TRAPPC9: variants seen among roughly 807,000 people sequenced by gnomAD.
TRAPPC9 encodes IKK2 binding protein.
Under a neutral mutation model 124.0 loss-of-function variants are expected in TRAPPC9, and 83 were observed. The observed-to-expected ratio is 0.67, with a 90% CI of 0.56 to 0.80. The LOEUF (loss-of-function observed/expected upper bound fraction) is 0.80, where lower values mean the gene tolerates loss of function less well. Ranked by LOEUF, TRAPPC9 falls within the 30% of genes least tolerant of loss-of-function variation. The pLI is 0.00. For missense variants in TRAPPC9, 1,302 were observed against 1,508.3 expected (o/e 0.86, Z 2.27); for synonymous variants, 638 against 617.5 (o/e 1.03, Z -0.49).
chr8:140,173,125 C>T (rs75131539), intron 17 of TRAPPC9, among the ~76,000 whole-genome samples: 2,002 of 152,180 alleles, frequency 0.013, 53 homozygotes, highest in African/African-American at 0.044. Context: ...TTTATACTGA[C>T]GTATGCACAA....
At chr8:139,796,838 G>T (rs1823133935) in intron 21 of TRAPPC9, among the ~76,000 whole-genome samples, 1 of 152,226 alleles carries the variant, frequency 6.6e-6, no homozygotes, top group African/African-American at 2.4e-5. Context: ...GTCTTCCAAA[G>T]TGGCTGCACT....
intron 17 of TRAPPC9, among the ~76,000 whole-genome samples, chr8:140,161,570 T>C (rs2061751995): frequency 6.6e-6 from 1 of 152,134 alleles, no homozygotes; most frequent in South Asian, 2.1e-4. Context: ...TAATCTGGTG[T>C]CTGAAACAAA....
At chr8:140,143,066 G>T (rs541881980) in intron 17 of TRAPPC9, among the ~76,000 whole-genome samples, 4 of 152,352 alleles carry the variant, frequency 2.6e-5, no homozygotes, top group African/African-American at 9.6e-5. Flanking sequence ...AGTGGCTGGA[G>T]CTCCACAGTG....
Position 140,311,263 on chromosome 8 carries a change from T to G in TRAPPC9, c.1607A>C (p.Lys536Thr), listed in dbSNP as rs1281003763. The G allele has an allele frequency of 6.2e-7, 1 of 1,612,190 alleles. No homozygotes were observed. Among genetic ancestry groups the G allele is most frequent in the East Asian group, 2.2e-5 (1 of 44,878 alleles). ...CCCATCTCACCTGACGATGGGAAGC[T>G]TGGTGAAGGGCACCGGTGGCAGGGT... ...GLTLPPVPFT[K>T]LPIVRHVKLL... Residue 536 changes from lysine to threonine, a missense_variant, in exon 10 of 23, where the codon AAG becomes ACG. Transcript: ENST00000438773.
chr8:140,019,448 G>A (rs1223701805), intron 18 of TRAPPC9, among the ~76,000 whole-genome samples: 1 of 150,272 alleles, frequency 6.7e-6, no homozygotes, highest in African/African-American at 2.4e-5. Context: ...TGCTTTGTGA[G>A]AAGATTTTAA....
intron 18 of TRAPPC9, among the ~76,000 whole-genome samples, chr8:140,018,660 T>A (rs28834199): frequency 0.44 from 66,922 of 151,952 alleles, 16,127 homozygotes; most frequent in Middle Eastern, 0.63. Context: ...AGTGGCATCC[T>A]GCAATCTTGC....
intron 5 of TRAPPC9, among the ~76,000 whole-genome samples, chr8:140,410,618 C>T (rs1032480475): frequency 2.0e-4 from 30 of 152,202 alleles, no homozygotes; most frequent in Admixed American, 1.6e-3. Flanking sequence ...CCGAGGCGGG[C>T]GGACCACAAG....
intron 21 of TRAPPC9, among the ~76,000 whole-genome samples, chr8:139,877,201 A>G (rs559699172): frequency 1.4e-4 from 21 of 152,276 alleles, no homozygotes; most frequent in African/African-American, 5.1e-4. Context: ...AAAGAGCTAT[A>G]AAGAGGAAAG....
chr8:139,975,975 C>T (rs1042633090), intron 19 of TRAPPC9, among the ~76,000 whole-genome samples: 4 of 112,700 alleles, frequency 3.5e-5, no homozygotes, highest in Non-Finnish European at 6.9e-5. Context: ...CTGCAGGCTT[C>T]ACCCCCCCGG....
At chr8:140,072,549 A>G (rs867152783) in intron 17 of TRAPPC9, among the ~76,000 whole-genome samples, 8 of 115,658 alleles carry the variant, frequency 6.9e-5, no homozygotes, top group Non-Finnish European at 9.2e-5. Flanking sequence ...AGGAGGAGGA[A>G]GAGGAGGAGG....
At chr8:140,009,121 A>AT (rs1040181409) in intron 18 of TRAPPC9, among the ~76,000 whole-genome samples, 9 of 152,182 alleles carry the variant, frequency 5.9e-5, no homozygotes, top group Non-Finnish European at 1.3e-4. Flanking sequence ...GAATTGGACC[A>AT]TTTTTGCCCT....
intron 18 of TRAPPC9, among the ~76,000 whole-genome samples, chr8:140,023,630 G>C (rs1453572981): frequency 6.6e-6 from 1 of 152,238 alleles, no homozygotes; most frequent in Non-Finnish European, 1.5e-5. Context: ...AATGCAGCCA[G>C]GCCAGGCTGG....
intron 21 of TRAPPC9, among the ~76,000 whole-genome samples, chr8:139,838,657 A>G (rs1391846256): frequency 3.3e-5 from 5 of 149,960 alleles, no homozygotes; most frequent in Non-Finnish European, 7.4e-5. Context: ...TGCTGCTGTG[A>G]TGACGGGTGG....
chr8:140,260,653 A>C (rs1374096557), intron 15 of TRAPPC9, among the ~76,000 whole-genome samples: 1 of 152,164 alleles, frequency 6.6e-6, no homozygotes, highest in South Asian at 2.1e-4. Context: ...ACAATAACTG[A>C]AACAACCATC....
intron 17 of TRAPPC9, among the ~76,000 whole-genome samples, chr8:140,047,257 T>A (rs998775355): frequency 5.3e-5 from 8 of 152,338 alleles, no homozygotes; most frequent in African/African-American, 1.9e-4. Flanking sequence ...CACATGCTCC[T>A]CGGCGGAGGC....
intron 12 of TRAPPC9, among the ~76,000 whole-genome samples, chr8:140,287,935 C>T (rs573863720): frequency 5.9e-5 from 9 of 152,158 alleles, no homozygotes; most frequent in Non-Finnish European, 1.2e-4. Context: ...GGTGCTCAGG[C>T]GATAAACCAC....
chr8:139,781,058 G>A (rs1296785008), intron 21 of TRAPPC9, among the ~76,000 whole-genome samples: 1 of 152,190 alleles, frequency 6.6e-6, no homozygotes, highest in Non-Finnish European at 1.5e-5. Context: ...AGTCATTGCT[G>A]ATGGGAAAGC....
At chr8:140,102,112 T>C (rs2060591054) in intron 17 of TRAPPC9, among the ~76,000 whole-genome samples, 1 of 152,230 alleles carries the variant, frequency 6.6e-6, no homozygotes, top group South Asian at 2.1e-4. Context: ...GAGTCCAAAC[T>C]GTAACAGAAT....
chr8:140,150,276 T>G (rs1322869294), intron 17 of TRAPPC9, among the ~76,000 whole-genome samples: 2 of 152,116 alleles, frequency 1.3e-5, no homozygotes, highest in Non-Finnish European at 2.9e-5. Context: ...GGCAAAACCC[T>G]GTCTCTACTA....
Sources: allele counts gnomAD v4.1 joint callset (sites outside exome capture counted in the v4.1 genomes callset), GRCh38; gene constraint gnomAD v4.1.1; transcripts MANE v1.5; gene names NCBI Gene and HGNC (gene_info 2026-07-23, HGNC 2026-07-21).